ATP8A2: variants seen among roughly 807,000 people sequenced by gnomAD.
ATP8A2 encodes ATPase phospholipid transporting 8A2, also known as phospholipid-transporting ATPase IB.
A neutral mutation model predicts 165.6 loss-of-function variants in ATP8A2; 100 were observed. That is an observed-to-expected ratio of 0.60 (90% CI 0.51 to 0.71). The LOEUF (loss-of-function observed/expected upper bound fraction) is 0.71. Among genes scored for constraint, ATP8A2 ranks in the 30% least tolerant of loss-of-function variants. The pLI is 0.00. For missense variants in ATP8A2, 1,227 were observed against 1,479.5 expected, an observed-to-expected ratio of 0.83 and a Z score of 2.80; for synonymous variants, 543 against 548.8, an observed-to-expected ratio of 0.99 and a Z score of 0.15.
chr13:25,838,100 A>T (rs1284372602), intron 29 of ATP8A2, among the ~76,000 whole-genome samples: 1 of 152,178 alleles, frequency 6.6e-6, no homozygotes, highest in African/African-American at 2.4e-5. Context: ...TCAGAAGTTT[A>T]GACAGAGGTC....
At chr13:25,452,613 G>A (rs1224158091) in intron 1 of ATP8A2, among the ~76,000 whole-genome samples, 1 of 151,982 alleles carries the variant, frequency 6.6e-6, no homozygotes, top group African/African-American at 2.4e-5. Context: ...ATACATTATT[G>A]TATGTTATAT....
intron 27 of ATP8A2, among the ~76,000 whole-genome samples, chr13:25,777,917 G>A (rs369305233): frequency 5.3e-5 from 8 of 152,266 alleles, no homozygotes; most frequent in South Asian, 2.1e-4. Flanking sequence ...ACCTCCTTCC[G>A]TATTATCTGT....
rs576733129 is a variant in ATP8A2 at position 25,468,854 on chromosome 13, G to A, written c.77-123G>A. On this transcript the variant is annotated intron_variant, in intron 1 of 36. Transcript: ENST00000381655. ...GGGGGAGCCAAGGTACGTAGGCGGCGTCCGCCTCACCCGAGCATCCTTCCC... is the reference window on the plus strand; with the variant it reads ...GGGGGAGCCAAGGTACGTAGGCGGCATCCGCCTCACCCGAGCATCCTTCCC... 2.7e-6 allele frequency: 4 copies of A among 1,457,184 alleles called. No homozygotes were observed. In the East Asian group the frequency reaches 1.1e-4, roughly 38 times the overall value. 90.3% of individuals were successfully genotyped at this position (1,457,184 alleles called of 1,614,324 possible).
intron 25 of ATP8A2, among the ~76,000 whole-genome samples, chr13:25,708,662 A>C (rs1053052560): frequency 1.6e-4 from 24 of 152,282 alleles, no homozygotes; most frequent in African/African-American, 5.5e-4. Flanking sequence ...CCCCAAGATT[A>C]CAGTCAGCAA....
chr13:25,692,489 C>A (rs2042746586), intron 24 of ATP8A2, among the ~76,000 whole-genome samples: 1 of 152,208 alleles, frequency 6.6e-6, no homozygotes, highest in Admixed American at 6.5e-5. Flanking sequence ...TGAAGAGAGA[C>A]TCTTGCCATC....
intron 24 of ATP8A2, among the ~76,000 whole-genome samples, chr13:25,615,159 G>A (rs1435833868): frequency 2.0e-5 from 3 of 152,148 alleles, no homozygotes; most frequent in Non-Finnish European, 4.4e-5. Flanking sequence ...CATCAGGTGA[G>A]GGCAAGGTTA....
chr13:25,699,842 G>GC (rs1555251424), intron 25 of ATP8A2, among the ~76,000 whole-genome samples: 6 of 146,710 alleles, frequency 4.1e-5, no homozygotes, highest in Non-Finnish European at 9.1e-5. Context: ...TCCTGGGAAG[G>GC]TTTTTTTTTT....
rs143438150 is a variant in ATP8A2, at chr13:25,537,782, T to C, written c.508-206T>C. On this transcript the variant is annotated intron_variant, in intron 6 of 36. Transcript: ENST00000381655. ...CCTTTCCTTTTTTATTAAACATCAT[T>C]GCAAAAAAAGGCAACATTACCAGTG... is the stretch of plus-strand genomic sequence containing the variant. Among the ~76,000 whole-genome samples the C allele has an allele frequency of 5.1e-3, 782 of 152,242 alleles. 6 individuals carry two copies. The highest frequency in any genetic ancestry group is 0.018 in the African/African-American group (760 of 41,536).
Position 25,938,839 on chromosome 13 carries a change from C to G in ATP8A2, c.3184-22736C>G, listed in dbSNP as rs563155511. ...ATGCATTGGATTTCCATCATCCCTT[C>G]TCCTTTCCTTTTTTTTTTTTTGAAA... is the stretch of plus-strand genomic sequence containing the variant. On this transcript the variant is annotated intron_variant, in intron 33 of 36. Coordinates refer to ENST00000381655, the MANE Select transcript of ATP8A2 (RefSeq NM_016529.6). Among the ~76,000 whole-genome samples, 138 of 151,414 alleles carry G rather than the reference C, an allele frequency of 9.1e-4. 3 individuals carry two copies. The highest frequency in any genetic ancestry group is 6.6e-4 in the Admixed American group (10 of 15,230).
intron 33 of ATP8A2, among the ~76,000 whole-genome samples, chr13:25,930,869 CCCA>C (rs1172696633): frequency 6.6e-6 from 1 of 152,198 alleles, no homozygotes; most frequent in Non-Finnish European, 1.5e-5. Context: ...CTCCACATCC[CCCA>C]CATGGGAGGA....
At position 25,433,839 on chromosome 13, in the gene ATP8A2, G is replaced by C. The variant is rs7322916; in HGVS notation, c.77-35138G>C. Among the ~76,000 whole-genome samples the C allele has an allele frequency of 1.2e-4, 18 of 152,084 alleles. No homozygotes were observed. The South Asian group carries it at 3.5e-3, about 30-fold the overall frequency. On this transcript the variant is annotated intron_variant, in intron 1 of 36. Transcript: ENST00000381655. ...CATGTCCTTTGCAGCAACATGGATG[G>C]AGCTGGAAACCATTATCCTAAGCAA...
chr13:25,372,104 C>T lies in ATP8A2; in HGVS notation c.-109C>T, dbSNP rs1386952057. On this transcript the variant is annotated 5_prime_UTR_variant, in exon 1 of 37. Transcript: ENST00000381655. This position sits in a 1 kb window ranked among gnomAD's most constrained non-coding sequence, Gnocchi z 4.8. ...CGGCGGTCCCCGCCAGCTAGCAGCCCGGCGAGGCGCTGGCCCACCCATGGT... is the reference window on the plus strand; with the variant it reads ...CGGCGGTCCCCGCCAGCTAGCAGCCTGGCGAGGCGCTGGCCCACCCATGGT... 1.4e-5 allele frequency: 10 copies of T among 730,248 alleles called. No individual in the cohort carries two copies. Among genetic ancestry groups the T allele is most frequent in the Middle Eastern group, 4.7e-4 (1 of 2,140 alleles). 45.2% of individuals were successfully genotyped at this position (730,248 alleles called of 1,614,324 possible).
At chr13:25,948,756 C>T (rs1260140684) in intron 33 of ATP8A2, among the ~76,000 whole-genome samples, 1 of 152,208 alleles carries the variant, frequency 6.6e-6, no homozygotes, top group Non-Finnish European at 1.5e-5. Flanking sequence ...GATGGGAGGT[C>T]TCTGCAAGCC....
At chr13:25,483,437 C>T (rs867607255) in intron 2 of ATP8A2, among the ~76,000 whole-genome samples, 3 of 152,106 alleles carry the variant, frequency 2.0e-5, no homozygotes, top group Non-Finnish European at 2.9e-5. Flanking sequence ...CTGTTGGTTG[C>T]GTCATGAAGG....
intron 33 of ATP8A2, among the ~76,000 whole-genome samples, chr13:25,921,399 C>T (rs188024358): frequency 2.5e-4 from 38 of 151,190 alleles, no homozygotes; most frequent in African/African-American, 8.0e-4. Context: ...GGGTGGATCA[C>T]GAGGTCAGAA....
At chr13:25,709,150 C>T (rs572642880) in intron 25 of ATP8A2, among the ~76,000 whole-genome samples, 4 of 152,268 alleles carry the variant, frequency 2.6e-5, no homozygotes, top group African/African-American at 7.2e-5. Flanking sequence ...CCTCCCCAAC[C>T]GTCCCATCAA....
intron 27 of ATP8A2, among the ~76,000 whole-genome samples, chr13:25,784,868 C>T (rs1349881802): frequency 6.6e-6 from 1 of 151,938 alleles, no homozygotes; most frequent in Non-Finnish European, 1.5e-5. Flanking sequence ...TGGGTTCAAG[C>T]GATTCTCCTG....
At chr13:25,828,584 A>G (rs1566179838) in intron 28 of ATP8A2, among the ~76,000 whole-genome samples, 1 of 152,214 alleles carries the variant, frequency 6.6e-6, no homozygotes, top group Non-Finnish European at 1.5e-5. Context: ...ACAAATGTAC[A>G]GTGTGTGATC....
intron 33 of ATP8A2, among the ~76,000 whole-genome samples, chr13:25,957,334 C>A (rs534057060): frequency 6.6e-6 from 1 of 152,290 alleles, no homozygotes; most frequent in East Asian, 1.9e-4. Context: ...AGGCGACCTA[C>A]AGAATGGGAG....
Sources: gnomAD v4.1 joint callset for allele counts (sites outside exome capture counted in the v4.1 genomes callset) on GRCh38, gnomAD v4.1.1 for gene constraint, Gnocchi (gnomAD v3.1) non-coding constraint, MANE v1.5 for transcripts, NCBI Gene and HGNC (gene_info 2026-07-23, HGNC 2026-07-21) for gene names.